The following ADAMTS6 variants were observed in gnomAD, a reference collection of about 807,000 sequenced individuals.
The protein encoded by ADAMTS6 is A disintegrin and metalloproteinase with thrombospondin motifs 6.
A neutral mutation model predicts 144.3 loss-of-function variants in ADAMTS6; 23 were observed. That is an observed-to-expected ratio of 0.16 (90% CI 0.11 to 0.23). ADAMTS6 has a LOEUF of 0.23. ADAMTS6 is among the 10% of genes least tolerant of loss of function. The pLI is 1.00. For missense variants in ADAMTS6, 999 were observed against 1,379.6 expected, an observed-to-expected ratio of 0.72 and a Z score of 4.37; for synonymous variants, 444 against 457.5, an observed-to-expected ratio of 0.97 and a Z score of 0.38.
At chr5:65,170,573 TG>T in intron 24 of ADAMTS6, 43 bp downstream of exon 24, 1 of 1,603,036 alleles carries the variant, frequency 6.2e-7, no homozygotes, top group Non-Finnish European at 8.5e-7. Context: ...ACAGTAAAGG[TG>T]GGTCATTAGA....
At chr5:65,223,924 C>T (rs1015164671) in intron 18 of ADAMTS6, among the ~76,000 whole-genome samples, 1 of 151,766 alleles carries the variant, frequency 6.6e-6, no homozygotes, top group Non-Finnish European at 1.5e-5. Flanking sequence ...CTCAGCCTCC[C>T]GAGTAGCTGG....
intron 9 of ADAMTS6, among the ~76,000 whole-genome samples, chr5:65,327,504 T>C (rs1344871432): frequency 2.0e-5 from 3 of 151,978 alleles, no homozygotes; most frequent in Admixed American, 1.3e-4. Flanking sequence ...TTTTGTGGAA[T>C]TTTTTCCCCA....
At chr5:65,370,028 G>T (rs564760105) in intron 7 of ADAMTS6, among the ~76,000 whole-genome samples, 12 of 152,106 alleles carry the variant, frequency 7.9e-5, no homozygotes, top group Admixed American at 7.2e-4. Flanking sequence ...GTTTTACATG[G>T]AAACCAAATG....
intron 21 of ADAMTS6, among the ~76,000 whole-genome samples, chr5:65,196,546 A>AAAAAC: frequency 6.7e-6 from 1 of 148,356 alleles, no homozygotes; most frequent in African/African-American, 2.5e-5. Context: ...AAAAAAAAAA[A>AAAAAC]AAAAAAGAGG....
chr5:65,258,700 A>G (rs766666934), intron 14 of ADAMTS6, among the ~76,000 whole-genome samples: 1 of 152,190 alleles, frequency 6.6e-6, no homozygotes, highest in Non-Finnish European at 1.5e-5. Flanking sequence ...GGAATTGGAT[A>G]TAAGCTATGA....
chr5:65,362,354 A>G (rs1749911583), intron 7 of ADAMTS6, among the ~76,000 whole-genome samples: 1 of 152,204 alleles, frequency 6.6e-6, no homozygotes, highest in East Asian at 1.9e-4. Context: ...TAGCATTGCT[A>G]GGAAGGCAGG....
At chr5:65,275,893 T>A (rs1185437887) in intron 11 of ADAMTS6, among the ~76,000 whole-genome samples, 2 of 152,216 alleles carry the variant, frequency 1.3e-5, no homozygotes, top group South Asian at 4.1e-4. Flanking sequence ...ATAAAGATTA[T>A]GAAAAATTTT....
At chr5:65,346,751 A>G (rs1748355913) in intron 7 of ADAMTS6, among the ~76,000 whole-genome samples, 2 of 151,914 alleles carry the variant, frequency 1.3e-5, no homozygotes, top group South Asian at 4.1e-4. Context: ...AACATATAGA[A>G]AACTCTAAAA....
chr5:65,363,505 T>C (rs184569407), intron 7 of ADAMTS6, among the ~76,000 whole-genome samples: 1 of 152,302 alleles, frequency 6.6e-6, no homozygotes, highest in East Asian at 1.9e-4. Context: ...ATCTTTACCT[T>C]TTCATCCCAA....
chr5:65,164,788 CA>C (rs1273258343), intron 24 of ADAMTS6, among the ~76,000 whole-genome samples: 2 of 135,622 alleles, frequency 1.5e-5, no homozygotes, highest in African/African-American at 5.8e-5. Flanking sequence ...CCTCACACTG[CA>C]GGGTATTCCA....
intron 7 of ADAMTS6, among the ~76,000 whole-genome samples, chr5:65,433,524 T>A (rs900084575): frequency 2.3e-4 from 35 of 152,218 alleles, no homozygotes; most frequent in Non-Finnish European, 7.3e-5. Context: ...TTTCATAAAG[T>A]TGTGTTCATT....
At chr5:65,443,989 AAAAT>A (rs1376690717) in intron 7 of ADAMTS6, among the ~76,000 whole-genome samples, 1 of 152,192 alleles carries the variant, frequency 6.6e-6, no homozygotes, top group African/African-American at 2.4e-5. Context: ...AATAAGGCAA[AAAAT>A]AAATAAATAA....
At chr5:65,215,233 C>A in intron 19 of ADAMTS6, 91 bp downstream of exon 19, 2 of 1,387,464 alleles carry the variant, frequency 1.4e-6, no homozygotes. Context: ...AATTTCATCA[C>A]CTGTAAAGCA....
At chr5:65,319,015 T>C (rs191303386) in intron 9 of ADAMTS6, among the ~76,000 whole-genome samples, 1 of 152,026 alleles carries the variant, frequency 6.6e-6, no homozygotes, top group African/African-American at 2.4e-5. Context: ...ATATCAACTA[T>C]GTAAACACAA....
At chr5:65,274,320 T>A (rs1762285265) in intron 11 of ADAMTS6, among the ~76,000 whole-genome samples, 1 of 152,114 alleles carries the variant, frequency 6.6e-6, no homozygotes, top group South Asian at 2.1e-4. Context: ...CAGTTTATTT[T>A]TATATATAAT....
intron 1 of ADAMTS6, among the ~76,000 whole-genome samples, chr5:65,479,735 T>G (rs1185557341): frequency 6.6e-6 from 1 of 152,192 alleles, no homozygotes; most frequent in Non-Finnish European, 1.5e-5. Context: ...AAAGAGGAAG[T>G]GCTAAGAGTA....
At chr5:65,306,097 T>C (rs1173151717) in intron 9 of ADAMTS6, among the ~76,000 whole-genome samples, 1 of 152,212 alleles carries the variant, frequency 6.6e-6, no homozygotes, top group African/African-American at 2.4e-5. Context: ...ATGGCCCATA[T>C]TGTGTCACCC....
chr5:65,155,369 T>A (rs565310516), intron 24 of ADAMTS6, among the ~76,000 whole-genome samples: 17 of 152,130 alleles, frequency 1.1e-4, no homozygotes, highest in Non-Finnish European at 2.4e-4. Flanking sequence ...ACCTAGATGG[T>A]ATAGCCTATT....
At chr5:65,186,625 G>C (rs918556989) in intron 22 of ADAMTS6, among the ~76,000 whole-genome samples, 1 of 152,132 alleles carries the variant, frequency 6.6e-6, no homozygotes, top group Admixed American at 6.5e-5. Context: ...TTTATCAATG[G>C]ATTTTATCTT....
Sources: gnomAD v4.1 joint callset for allele counts (sites outside exome capture counted in the v4.1 genomes callset) on GRCh38, gnomAD v4.1.1 for gene constraint, MANE v1.5 for transcripts, NCBI Gene and HGNC (gene_info 2026-07-23, HGNC 2026-07-21) for gene names.